The following CUL9 variants were observed in gnomAD, a reference collection of about 807,000 sequenced individuals.
The protein encoded by CUL9 is cullin 9.
Under a neutral mutation model 272.6 loss-of-function variants are expected in CUL9, and 79 were observed. The ratio of observed to expected loss-of-function variants is 0.29; its 90% CI spans 0.24 to 0.35. The LOEUF (loss-of-function observed/expected upper bound fraction) is 0.35. Among genes scored for constraint, CUL9 ranks in the 10% least tolerant of loss-of-function variants. CUL9 has a pLI of 1.00. For missense variants in CUL9, 2,532 were observed against 3,255.6 expected (o/e 0.78, Z 5.41); for synonymous variants, 1,186 against 1,286.5 (o/e 0.92, Z 1.67).
chr6:43,184,954 C>T lies in CUL9; in HGVS notation c.595+49C>T. 7.2e-7 allele frequency: 1 copy of T among 1,391,330 alleles called. No individual in the cohort carries two copies. Among genetic ancestry groups the T allele is most frequent in the Non-Finnish European group, 9.8e-7 (1 of 1,019,860 alleles). The allele number at this position is 1,391,330 out of a possible 1,614,324, so 86.2% of individuals were successfully genotyped here. A position where few individuals can be genotyped will look rare whatever the true frequency, so the allele number is the denominator to read the frequency against. On this transcript the variant is annotated intron_variant, in intron 2 of 40. Coordinates refer to ENST00000252050, the MANE Select transcript of CUL9 (RefSeq NM_015089.4). The surrounding 1 kb of genome is among the most constrained non-coding windows in gnomAD (Gnocchi z 4.8). ...GAAAGGAATGGAGAAAATGGGGCCA[C>T]AGGGAATAAGAAAGAGGAGAGATTT...
Position 43,204,964 on chromosome 6 carries a change from C to T in CUL9, c.4481C>T (p.Ala1494Val). The stretch of plus-strand genomic sequence containing the variant: ...AGATTCCTGGCTGCAGCTTGGAGGG[C>T]CCCAGACTTTGTGCCTCGTTACTGT... ...VSRFLAAAWR[A>V]PDFVPRYCKL... is the part of the protein sequence containing the mutation. The change falls in exon 23 of 41, where the codon GCC (alanine) becomes GTC (valine). Residue 1494 changes from alanine (A) to valine (V), a missense_variant. Ala to Val is a moderately conservative substitution (Grantham distance 64, BLOSUM62 0). This residue lies in a region of CUL9 where 2,218 missense variants were observed against 2,788.6 expected (regional missense o/e 0.80). Transcript: ENST00000252050. 1.2e-6 allele frequency: 2 copies of T among 1,610,820 alleles called. No individual in the cohort carries two copies. The highest frequency in any genetic ancestry group is 1.7e-6 in the Non-Finnish European group (2 of 1,177,988).
At chr6:43,190,487 AAGTT>A (rs1773363778) in intron 8 of CUL9, among the ~76,000 whole-genome samples, 1 of 152,140 alleles carries the variant, frequency 6.6e-6, no homozygotes. Context: ...TATGGTAAAA[AAGTT>A]AGAAAATTAT....
intron 8 of CUL9, among the ~76,000 whole-genome samples, chr6:43,192,313 G>T (rs950934035): frequency 6.6e-6 from 1 of 152,096 alleles, no homozygotes; most frequent in Non-Finnish European, 1.5e-5. Context: ...CTCTCAAAGT[G>T]CTGGGATTAC....
intron 24 of CUL9, 87 bp downstream of exon 24, chr6:43,205,510 G>C: frequency 6.8e-7 from 1 of 1,465,882 alleles, no homozygotes; most frequent in Non-Finnish European, 9.4e-7. Context: ...GATGAGAAAA[G>C]AGGCTGTGTA....
At chr6:43,212,485 A>G (rs1413542593) in intron 26 of CUL9, among the ~76,000 whole-genome samples, 2 of 152,236 alleles carry the variant, frequency 1.3e-5, no homozygotes, top group Non-Finnish European at 2.9e-5. Context: ...CGGTTTATAC[A>G]GGAAAGGCTT....
chr6:43,214,797 A>G lies in CUL9; in HGVS notation c.5689-282A>G, dbSNP rs572734680. Reference sequence around the variant, plus strand: ...TGGGCAATAGAGTGAGACTGTTGGGAAAAAAAAAAAAGAGAGAAACTTAGT... The same window carrying G: ...TGGGCAATAGAGTGAGACTGTTGGGGAAAAAAAAAAAGAGAGAAACTTAGT... On this transcript the variant is annotated intron_variant, in intron 29 of 40. Transcript: ENST00000252050. Among the ~76,000 whole-genome samples the G allele has an allele frequency of 2.9e-4, 39 of 135,146 alleles. No homozygotes were observed. In the East Asian group the frequency reaches 5.6e-3, roughly 19 times the overall value. The allele number at this position is 135,146 out of a possible 152,430, so 88.7% of individuals were successfully genotyped here. A position where few individuals can be genotyped will look rare whatever the true frequency, so the allele number is the denominator to read the frequency against.
In CUL9 at chr6:43,206,288, C is replaced by G; in HGVS notation, c.5023-33C>G. 1 of 1,612,610 alleles carries G rather than the reference C, an allele frequency of 6.2e-7. No individual in the cohort carries two copies. The highest frequency in any genetic ancestry group is 8.5e-7 in the Non-Finnish European group (1 of 1,179,044). ...GAGAAGACTAGACCAAGGAAGGGAG[C>G]CCAAGGGCCCTTGAAATCCTTCTGT... On this transcript the variant is annotated intron_variant, in intron 25 of 40. Transcript: ENST00000252050. The surrounding 1 kb of genome is among the most constrained non-coding windows in gnomAD (Gnocchi z 4.8).
Position 43,200,797 on chromosome 6 carries a change from T to C in CUL9, c.3610T>C (p.Tyr1204His). 6.2e-7 allele frequency: 1 copy of C among 1,614,164 alleles called. No individual in the cohort carries two copies. ...GTCCAACGGCAGCACCGGCTCCCAC[T>C]ACATCACCCTGCACATGCACCGTGG... ...WESNGSTGSHYITLHMHRGVL... is the reference protein window; with the variant it reads ...WESNGSTGSHHITLHMHRGVL... The change falls in exon 16 of 41, where the codon TAC (tyrosine) becomes CAC (histidine). Residue 1204 changes from tyrosine to histidine, a missense_variant. Coordinates refer to ENST00000252050, the MANE Select transcript of CUL9 (RefSeq NM_015089.4). The surrounding 1 kb of genome is among the most constrained non-coding windows in gnomAD (Gnocchi z 4.0).
chr6:43,202,008 T>C (rs907330934), intron 16 of CUL9, among the ~76,000 whole-genome samples: 6 of 152,180 alleles, frequency 3.9e-5, no homozygotes, highest in Admixed American at 3.3e-4. Context: ...GGAAGGTGTA[T>C]GCAGTGCTCT....
chr6:43,186,305 T>G lies in CUL9; in HGVS notation c.1101T>G (p.Ser367=). Residue 367 remains serine, a synonymous_variant, in exon 4 of 41, where the codon TCT becomes TCG. Transcript: ENST00000252050. ...RRQGWVFRQR[S]EFSSRSGYGE... ...AAGGGTGGGTCTTCCGCCAGCGCTC[T>G]GAATTCTCCAGCCGTAGTGGCTATG... 6.2e-7 allele frequency: 1 copy of G among 1,614,200 alleles called. No individual in the cohort carries two copies. Among genetic ancestry groups the G allele is most frequent in the African/African-American group, 1.3e-5 (1 of 75,032 alleles).
rs751103085 is a variant in CUL9 at position 43,187,962 on chromosome 6, T to G, written c.1831T>G (p.Ser611Ala). ...CAGCTTCTCAGAGGAAGAGACTGAGTCCCTCAAAGCAAAGGCCGAGGCCCC... is the reference window on the plus strand; with the variant it reads ...CAGCTTCTCAGAGGAAGAGACTGAGGCCCTCAAAGCAAAGGCCGAGGCCCC... ...EASFSEEETE[S>A]LKAKAEAPKT... Residue 611 changes from serine to alanine, a missense_variant, in exon 7 of 41, where the codon TCC becomes GCC. Physicochemically the swap from Ser to Ala is moderately conservative, Grantham distance 99. Around this residue, in one of 3 missense-constraint regions of CUL9, gnomAD observed 2,218 missense variants for 2,788.6 expected, o/e 0.80. Coordinates refer to ENST00000252050, the MANE Select transcript of CUL9 (RefSeq NM_015089.4). 11 of 1,613,046 alleles carry G rather than the reference T, an allele frequency of 6.8e-6. No homozygotes were observed. The highest frequency in any genetic ancestry group is 9.3e-6 in the Non-Finnish European group (11 of 1,179,724).
In CUL9 at chr6:43,221,670, C is replaced by A. The variant is rs756785151; in HGVS notation, c.6753-15C>A. ...CCAGAGGCAGGAGTCCCTGACCAGC[C>A]AGCTTCCTCCATAGCATGACCTGTG... is the stretch of plus-strand genomic sequence containing the variant. On this transcript the variant is annotated splice_polypyrimidine_tract_variant and intron_variant, in intron 34 of 40. Coordinates refer to ENST00000252050, the MANE Select transcript of CUL9 (RefSeq NM_015089.4). This position sits in a 1 kb window ranked among gnomAD's most constrained non-coding sequence, Gnocchi z 4.2. 4 of 1,612,544 alleles carry A rather than the reference C, an allele frequency of 2.5e-6. No homozygotes were observed. Among genetic ancestry groups the A allele is most frequent in the Non-Finnish European group, 3.4e-6 (4 of 1,179,176 alleles).
At chr6:43,201,718 A>T (rs1233396486) in intron 16 of CUL9, among the ~76,000 whole-genome samples, 5 of 152,178 alleles carry the variant, frequency 3.3e-5, no homozygotes, top group Non-Finnish European at 7.3e-5. Context: ...TGACCTCGTG[A>T]TCCGCCCGCC....
Position 43,188,499 on chromosome 6 carries a change from ATTGCCT to A in CUL9, c.1988-21_1988-16del, listed in dbSNP as rs753047639. 2.6e-6 allele frequency: 4 copies of A among 1,566,922 alleles called. No homozygotes were observed. In the African/African-American group the frequency reaches 5.5e-5, roughly 21 times the overall value. On this transcript the variant is annotated intron_variant, in intron 7 of 40. Coordinates refer to ENST00000252050, the MANE Select transcript of CUL9 (RefSeq NM_015089.4). ...TCAAGGTGCCACAGTTCTTTTAGCC[ATTGCCT>A]TTTCCCACCAATTTCAGAAATGGCC...
At chr6:43,210,833 AAAG>A (rs1391655368) in intron 26 of CUL9, among the ~76,000 whole-genome samples, 2 of 152,098 alleles carry the variant, frequency 1.3e-5, no homozygotes, top group Non-Finnish European at 2.9e-5. Flanking sequence ...TCTTATATTT[AAAG>A]AAGAATAAAT....
rs1280935392 is a variant in CUL9 at position 43,187,240 on chromosome 6, C to T, written c.1388-6C>T. ...GTGCTGATGCCCGCCATGCCTGTGT[C>T]CTCAGCATTTCCCTCCTGGGACTGG... On this transcript the variant is annotated splice_polypyrimidine_tract_variant and splice_region_variant and intron_variant, in intron 5 of 40. Coordinates refer to ENST00000252050, the MANE Select transcript of CUL9 (RefSeq NM_015089.4). The T allele has an allele frequency of 1.2e-6, 2 of 1,613,414 alleles. No homozygotes were observed. The highest frequency in any genetic ancestry group is 2.7e-5 in the African/African-American group (2 of 74,872).
Position 43,216,280 on chromosome 6 carries a change from A to G in CUL9, c.6059A>G (p.Glu2020Gly). 1 of 1,614,052 alleles carries G rather than the reference A, an allele frequency of 6.2e-7. No homozygotes were observed. The highest frequency in any genetic ancestry group is 8.5e-7 in the Non-Finnish European group (1 of 1,179,960). The change falls in exon 31 of 41, where the codon GAG becomes GGG. Residue 2020 changes from glutamate to glycine, a missense_variant. Physicochemically the swap from Glu to Gly is moderately conservative, Grantham distance 98. This residue lies in a region of CUL9 where 2,218 missense variants were observed against 2,788.6 expected (regional missense o/e 0.80). Transcript: ENST00000252050. The part of the protein sequence containing the change: ...VRQVQETLNL[E>G]PDVAQHLLAH... ...CAGGTGCAGGAGACGCTGAACTTAG[A>G]GCCAGATGTCGCTCAGCACCTTTTG... is the stretch of plus-strand genomic sequence containing the variant.
intron 6 of CUL9, 84 bp downstream of exon 6, chr6:43,187,523 C>A: frequency 6.9e-7 from 1 of 1,443,584 alleles, no homozygotes; most frequent in Non-Finnish European, 9.5e-7. Flanking sequence ...TAGGGGTTAC[C>A]GCTTAGGGGG....
At chr6:43,187,585 C>T in intron 6 of CUL9, 128 bp from the exon 7 acceptor site, 2 of 1,329,326 alleles carry the variant, frequency 1.5e-6, no homozygotes, top group Non-Finnish European at 1.0e-6. Context: ...GGGTTGGAGG[C>T]AAGTGCTGTG....
Sources: gnomAD v4.1 joint callset for allele counts (sites outside exome capture counted in the v4.1 genomes callset) on GRCh38, gnomAD v4.1.1 for gene constraint, gnomAD v4.1.1 regional missense constraint, Gnocchi (gnomAD v3.1) non-coding constraint, MANE v1.5 for transcripts, NCBI Gene and HGNC (gene_info 2026-07-23, HGNC 2026-07-21) for gene names.